SOX5: variants seen among roughly 807,000 people sequenced by gnomAD.
SOX5 encodes transcription factor SOX-5.
SOX5 carries 9 observed loss-of-function variants against 92.0 expected under a neutral mutation model. The observed-to-expected ratio is 0.10, with a 90% confidence interval of 0.06 to 0.17. The LOEUF (loss-of-function observed/expected upper bound fraction) is 0.17, where lower values mean the gene tolerates loss of function less well. SOX5 is among the 10% of genes least tolerant of loss of function. The probability of loss-of-function intolerance (pLI) is 1.00; values close to 1 mark genes in which losing one functional copy is unlikely to be tolerated. For missense variants in SOX5, 642 were observed against 944.5 expected (o/e 0.68, Z 4.20); for synonymous variants, 344 against 336.3 (o/e 1.02, Z -0.25).
chr12:24,180,524 C>T (rs190564500), intron 4 of SOX5, among the ~76,000 whole-genome samples: 7 of 152,216 alleles, frequency 4.6e-5, no homozygotes, highest in Admixed American at 2.6e-4. Context: ...TCCCAGCATT[C>T]GTTTAGCCCA....
intron 1 of SOX5, among the ~76,000 whole-genome samples, chr12:24,551,039 A>G (rs1020113709): frequency 5.9e-5 from 9 of 152,156 alleles, no homozygotes; most frequent in Admixed American, 5.9e-4. Context: ...ACCTTAGCAA[A>G]CATTCTTCCC....
intron 8 of SOX5, among the ~76,000 whole-genome samples, chr12:23,618,171 A>G (rs1360130299): frequency 6.6e-6 from 1 of 152,184 alleles, no homozygotes; most frequent in Non-Finnish European, 1.5e-5. Flanking sequence ...GATTATACTT[A>G]TATCTTTAAT....
intron 6 of SOX5, among the ~76,000 whole-genome samples, chr12:23,679,903 AT>A (rs1228187359): frequency 6.6e-6 from 1 of 152,230 alleles, no homozygotes; most frequent in Non-Finnish European, 1.5e-5. Context: ...AGATAAAAAA[AT>A]AAAATAATAT....
Position 23,755,654 on chromosome 12 carries a change from G to T in SOX5, c.552C>A (p.Asn184Lys). Residue 184 changes from asparagine (N) to lysine (K), a missense_variant, in exon 4 of 15, where the codon AAC (asparagine) becomes AAA (lysine). Physicochemically the swap from Asn to Lys is moderately conservative, Grantham distance 94 (BLOSUM62 0). This residue lies in a region of SOX5 where 324 missense variants were observed against 461.6 expected (regional missense o/e 0.70). Transcript: ENST00000451604. Reference sequence around the variant, plus strand: ...CCATATTACCTTTTATTTCGCCAAAGTTCCCCGATCCCATTGCAAGAAGCT... The same window carrying T: ...CCATATTACCTTTTATTTCGCCAAATTTCCCCGATCCCATTGCAAGAAGCT... ...KDKLLAMGSG[N>K]FGEIKGTPES... is the part of the protein sequence containing the mutation. 6.3e-7 allele frequency: 1 copy of T among 1,591,338 alleles called. No homozygotes were observed. The highest frequency in any genetic ancestry group is 1.8e-5 in the Admixed American group (1 of 56,014).
chr12:24,185,209 G>A (rs900765098), intron 4 of SOX5, among the ~76,000 whole-genome samples: 3 of 152,030 alleles, frequency 2.0e-5, no homozygotes, highest in African/African-American at 4.8e-5. Flanking sequence ...CTTACAGAGG[G>A]ATCTTTACAA....
chr12:23,674,336 A>ATTTTTTTTTTTTTTTTTTTTTTTTTTTT (rs34975795), intron 6 of SOX5, among the ~76,000 whole-genome samples: 11 of 97,380 alleles, frequency 1.1e-4, no homozygotes, highest in African/African-American at 4.2e-4. Flanking sequence ...ATAAAAAGGA[A>ATTTTTTTTTTTTTTTTTTTTTTTTTTTT]TTTTTTTTTT....
chr12:24,352,456 C>T (rs556776372), intron 2 of SOX5, among the ~76,000 whole-genome samples: 15 of 152,326 alleles, frequency 9.8e-5, no homozygotes, highest in South Asian at 2.1e-4. Flanking sequence ...TGATCATTCC[C>T]GTGACCTTCC....
At chr12:23,546,474 A>T in intron 11 of SOX5, 50 bp from the exon 12 acceptor site, 1 of 1,083,056 alleles carries the variant, frequency 9.2e-7, no homozygotes, top group Non-Finnish European at 1.4e-6. Context: ...AAATTATTTG[A>T]AGACTTTCTT....
intron 1 of SOX5, among the ~76,000 whole-genome samples, chr12:23,896,738 A>C (rs768704903): frequency 1.3e-5 from 2 of 151,536 alleles, no homozygotes; most frequent in African/African-American, 4.8e-5. Context: ...AAAAGGTGAG[A>C]ATATTAAAAT....
intron 3 of SOX5, among the ~76,000 whole-genome samples, chr12:24,264,628 C>T (rs955003987): frequency 2.0e-5 from 3 of 152,076 alleles, no homozygotes; most frequent in African/African-American, 4.8e-5. Context: ...AGAATAATCA[C>T]GTCTTCAAAT....
chr12:23,656,187 A>ATTT lies in SOX5; in HGVS notation c.931+9254_931+9256dup, dbSNP rs56680824. 7.9e-3 allele frequency among the ~76,000 whole-genome samples: 1,172 copies of ATTT among 148,970 alleles called. 20 individuals are homozygous for ATTT. The highest frequency in any genetic ancestry group is 0.027 in the African/African-American group (1,094 of 40,876). Reference sequence around the variant, plus strand: ...GTCTTCTGACCCCTTGTTTCATTGTATTTTTTTTTTTCTGATAGAATTCAT... The same window carrying ATTT: ...GTCTTCTGACCCCTTGTTTCATTGTATTTTTTTTTTTTTTCTGATAGAATTCAT... On this transcript the variant is annotated intron_variant, in intron 7 of 14. Transcript: ENST00000451604.
At chr12:24,191,670 T>C (rs1956540205) in intron 4 of SOX5, among the ~76,000 whole-genome samples, 1 of 152,238 alleles carries the variant, frequency 6.6e-6, no homozygotes, top group African/African-American at 2.4e-5. Flanking sequence ...CAATTCTCAA[T>C]GACCAGCCTT....
intron 4 of SOX5, among the ~76,000 whole-genome samples, chr12:24,025,308 A>G (rs973177352): frequency 6.6e-6 from 1 of 152,034 alleles, no homozygotes; most frequent in Non-Finnish European, 1.5e-5. Context: ...CCTGGTAAAC[A>G]TGACTTGTGT....
intron 1 of SOX5, among the ~76,000 whole-genome samples, chr12:24,461,160 T>C (rs1373460402): frequency 9.2e-5 from 14 of 152,222 alleles, no homozygotes; most frequent in Admixed American, 5.2e-4. Flanking sequence ...ATGCTGAGTT[T>C]TCGCATTGAT....
intron 6 of SOX5, among the ~76,000 whole-genome samples, chr12:23,734,149 C>T (rs1304203747): frequency 2.0e-5 from 3 of 152,170 alleles, no homozygotes; most frequent in African/African-American, 7.2e-5. Context: ...CTTATTATTG[C>T]AAATTTCCAA....
At chr12:23,728,644 AC>A (rs2093264385) in intron 6 of SOX5, among the ~76,000 whole-genome samples, 1 of 152,178 alleles carries the variant, frequency 6.6e-6, no homozygotes, top group Non-Finnish European at 1.5e-5. Context: ...AACCTTTATC[AC>A]AAATTGGTTG....
chr12:24,084,884 A>C (rs1481773319), intron 4 of SOX5, among the ~76,000 whole-genome samples: 2 of 152,152 alleles, frequency 1.3e-5, no homozygotes, highest in African/African-American at 2.4e-5. Context: ...ACTAATTGAT[A>C]AGCTTTATAT....
intron 6 of SOX5, among the ~76,000 whole-genome samples, chr12:23,686,157 G>A (rs1217178551): frequency 2.0e-5 from 3 of 152,110 alleles, no homozygotes; most frequent in Non-Finnish European, 4.4e-5. Flanking sequence ...AAAAGAGAAT[G>A]CTGAAATAGT....
chr12:24,074,504 G>C (rs1386682536), intron 4 of SOX5, among the ~76,000 whole-genome samples: 10 of 151,790 alleles, frequency 6.6e-5, no homozygotes, highest in African/African-American at 9.7e-5. Flanking sequence ...GACAAGAGTA[G>C]TGACAGACAG....
Sources: allele counts gnomAD v4.1 joint callset (sites outside exome capture counted in the v4.1 genomes callset), GRCh38; gene constraint gnomAD v4.1.1; regional missense constraint gnomAD v4.1.1; transcripts MANE v1.5; gene names NCBI Gene and HGNC (gene_info 2026-07-23, HGNC 2026-07-21).